LAMC1: variants seen among roughly 807,000 people sequenced by gnomAD.
LAMC1 encodes laminin subunit gamma 1.
A neutral mutation model predicts 173.6 loss-of-function variants in LAMC1; 38 were observed. The ratio of observed to expected loss-of-function variants is 0.22; its 90% confidence interval spans 0.17 to 0.29. The LOEUF (loss-of-function observed/expected upper bound fraction) is 0.29, where lower values mean the gene tolerates loss of function less well. Ranked by LOEUF, LAMC1 falls within the 10% of genes least tolerant of loss-of-function variation. The pLI, the probability that LAMC1 is intolerant of heterozygous loss-of-function variation, is 1.00. For synonymous variants in LAMC1, 746 were observed against 749.1 expected, an observed-to-expected ratio of 1.00 and a Z score of 0.07; for missense variants, 1,824 against 2,051.8, an observed-to-expected ratio of 0.89 and a Z score of 2.14.
rs947363525 is a variant in LAMC1, at chr1:183,118,205, A to T, written c.1990+59A>T. ...AAAAGATGATTGGTTAGAAAGATTC[A>T]TGATAATGCAAAAGTTTCTCTTTCC... On this transcript the variant is annotated intron_variant, in intron 11 of 27. Transcript: ENST00000258341. The T allele has an allele frequency of 3.0e-6, 3 of 990,412 alleles. No individual in the cohort carries two copies. In the East Asian group the frequency reaches 7.2e-5, roughly 24 times the overall value. The allele number at this position is 990,412 out of a possible 1,614,324, so 61.4% of individuals were successfully genotyped here. A position where few individuals can be genotyped will look rare whatever the true frequency, so the allele number is the denominator to read the frequency against.
intron 22 of LAMC1, among the ~76,000 whole-genome samples, chr1:183,134,332 T>G (rs912065628): frequency 1.3e-5 from 2 of 152,192 alleles, no homozygotes; most frequent in African/African-American, 4.8e-5. Flanking sequence ...ATCAGAACAA[T>G]GGCAGGCACA....
chr1:183,041,696 T>G (rs1482466589), intron 1 of LAMC1, among the ~76,000 whole-genome samples: 1 of 152,196 alleles, frequency 6.6e-6, no homozygotes, highest in Admixed American at 6.5e-5. Flanking sequence ...AGAGAAGACC[T>G]AGAGCTTAAG....
chr1:183,089,328 C>T (rs1655509111), intron 1 of LAMC1, among the ~76,000 whole-genome samples: 1 of 152,102 alleles, frequency 6.6e-6, no homozygotes, highest in Non-Finnish European at 1.5e-5. Flanking sequence ...TGTTTGCTCT[C>T]AATGTAAAGG....
At chr1:183,065,260 G>A (rs1654848303) in intron 1 of LAMC1, among the ~76,000 whole-genome samples, 1 of 152,166 alleles carries the variant, frequency 6.6e-6, no homozygotes, top group Non-Finnish European at 1.5e-5. Flanking sequence ...TGCAGTGCAT[G>A]ACTGTATGTA....
intron 22 of LAMC1, among the ~76,000 whole-genome samples, chr1:183,133,891 A>C (rs1404429508): frequency 1.3e-5 from 2 of 152,258 alleles, no homozygotes; most frequent in African/African-American, 4.8e-5. Flanking sequence ...AGACTACTTT[A>C]ATGATATGAA....
At chr1:183,098,046 G>A (rs1195264033) in intron 1 of LAMC1, among the ~76,000 whole-genome samples, 1 of 152,078 alleles carries the variant, frequency 6.6e-6, no homozygotes, top group African/African-American at 2.4e-5. Context: ...CATTTGGCTT[G>A]GCTACTTTAC....
intron 1 of LAMC1, among the ~76,000 whole-genome samples, chr1:183,058,235 A>G (rs1453399812): frequency 6.6e-6 from 1 of 152,154 alleles, no homozygotes; most frequent in Non-Finnish European, 1.5e-5. Context: ...AGTTGAGTGG[A>G]TGCTAGTTTT....
At chr1:183,059,850 A>G (rs1654696623) in intron 1 of LAMC1, among the ~76,000 whole-genome samples, 1 of 152,216 alleles carries the variant, frequency 6.6e-6, no homozygotes, top group Admixed American at 6.5e-5. Context: ...TACGTGCATC[A>G]GAGTAAGAAA....
chr1:183,088,688 A>G (rs759460357), intron 1 of LAMC1, among the ~76,000 whole-genome samples: 9 of 152,252 alleles, frequency 5.9e-5, no homozygotes, highest in African/African-American at 1.7e-4. Flanking sequence ...GTGAATTACA[A>G]TAAGTGCTAT....
rs1656574292 is a variant in LAMC1, at chr1:183,124,752, T to C, written c.2523T>C (p.Asn841=). The C allele has an allele frequency of 2.5e-6, 4 of 1,614,062 alleles. No individual in the cohort carries two copies. Among genetic ancestry groups the C allele is most frequent in the Non-Finnish European group, 3.4e-6 (4 of 1,180,034 alleles). Reference sequence around the variant, plus strand: ...ACATCGATCCCAATGCAGTTGGAAATTGCAATCGCTTGACGGGAGAATGCC... The same window carrying C: ...ACATCGATCCCAATGCAGTTGGAAACTGCAATCGCTTGACGGGAGAATGCC... ...SDNIDPNAVG[N]CNRLTGECLK... Residue 841 remains asparagine, a synonymous_variant, in exon 14 of 28, where the codon AAT becomes AAC. Transcript: ENST00000258341.
chr1:183,094,530 A>C (rs1655645644), intron 1 of LAMC1, among the ~76,000 whole-genome samples: 3 of 152,172 alleles, frequency 2.0e-5, no homozygotes, highest in Admixed American at 2.0e-4. Context: ...TAGAACAGGG[A>C]CTGACACATA....
chr1:183,137,809 C>A lies in LAMC1; in HGVS notation c.4455C>A (p.Asp1485Glu). The change falls in exon 26 of 28, where the codon GAC (aspartate) becomes GAA (glutamate). Residue 1485 changes from aspartate to glutamate, a missense_variant. Coordinates refer to ENST00000258341, the MANE Select transcript of LAMC1 (RefSeq NM_002293.4). ...LKRKQDDADQ[D>E]MMMAGMASQA... Reference sequence around the variant, plus strand: ...GAAAACAAGATGACGCTGACCAGGACATGATGATGGCAGGGATGGTAAGAG... The same window carrying A: ...GAAAACAAGATGACGCTGACCAGGAAATGATGATGGCAGGGATGGTAAGAG... The A allele has an allele frequency of 5.0e-6, 8 of 1,607,154 alleles. No individual in the cohort carries two copies. The highest frequency in any genetic ancestry group is 6.8e-6 in the Non-Finnish European group (8 of 1,176,686).
Position 183,098,519 on chromosome 1 carries a change from A to C in LAMC1, c.419-4809A>C, listed in dbSNP as rs946335695. ...TCCACAGAGATGTTTGTACAAAGGC[A>C]TGGCCTCCTGCTCTCCTCTCAGCCA... On this transcript the variant is annotated intron_variant, in intron 1 of 27. Transcript: ENST00000258341. Among the ~76,000 whole-genome samples, 5 of 152,228 alleles carry C rather than the reference A, an allele frequency of 3.3e-5. No homozygotes were observed. In the South Asian group the frequency reaches 6.2e-4, roughly 19 times the overall value.
Position 183,118,018 on chromosome 1 carries a change from C to A in LAMC1, c.1878-16C>A, listed in dbSNP as rs780467014. 1 of 1,509,464 alleles carries A rather than the reference C, an allele frequency of 6.6e-7. No homozygotes were observed. Among genetic ancestry groups the A allele is most frequent in the African/African-American group, 1.4e-5 (1 of 72,518 alleles). 93.5% of individuals were successfully genotyped at this position (1,509,464 alleles called of 1,614,324 possible). A position where few individuals can be genotyped will look rare whatever the true frequency, so the allele number is the denominator to read the frequency against. On this transcript the variant is annotated splice_polypyrimidine_tract_variant and intron_variant, in intron 10 of 27. Transcript: ENST00000258341. The stretch of plus-strand genomic sequence containing the variant: ...TGTCCTTACAGAGGTTAATGTGGCC[C>A]TTTCTTTCTCTCCAGGCTCCATGAA...
rs781272691 is a variant in LAMC1 at position 183,116,594 on chromosome 1, C to A, written c.1346C>A (p.Pro449His). 1.2e-6 allele frequency: 2 copies of A among 1,609,806 alleles called. No individual in the cohort carries two copies. Among genetic ancestry groups the A allele is most frequent in the Non-Finnish European group, 1.7e-6 (2 of 1,176,674 alleles). ...EAGCRPCSCD[P>H]SGSIDECNIE... ...TTGAATAGGCCATGCTCTTGTGATC[C>A]CTCTGGCAGCATAGATGAATGTAAT... The change falls in exon 7 of 28, where the codon CCC (proline) becomes CAC (histidine). Residue 449 changes from proline to histidine, a missense_variant. By Grantham distance (77) the Pro-to-His change is moderately conservative. Coordinates refer to ENST00000258341, the MANE Select transcript of LAMC1 (RefSeq NM_002293.4).
chr1:183,029,996 G>GACT (rs1653808488), intron 1 of LAMC1, among the ~76,000 whole-genome samples: 1 of 152,162 alleles, frequency 6.6e-6, no homozygotes, highest in Non-Finnish European at 1.5e-5. Flanking sequence ...GTCCAGTCCA[G>GACT]TCCTGCCTAT....
At chr1:183,094,238 C>G (rs1655637985) in intron 1 of LAMC1, among the ~76,000 whole-genome samples, 1 of 152,014 alleles carries the variant, frequency 6.6e-6, no homozygotes, top group Admixed American at 6.5e-5. Context: ...AATGCTCTTC[C>G]CATTCCTGGA....
At chr1:183,066,035 T>A (rs960698598) in intron 1 of LAMC1, among the ~76,000 whole-genome samples, 2 of 152,236 alleles carry the variant, frequency 1.3e-5, no homozygotes, top group Non-Finnish European at 2.9e-5. Flanking sequence ...TAATACATGA[T>A]AACGCATTAT....
At chr1:183,070,615 G>C (rs937798559) in intron 1 of LAMC1, among the ~76,000 whole-genome samples, 1 of 152,172 alleles carries the variant, frequency 6.6e-6, no homozygotes, top group African/African-American at 2.4e-5. Context: ...AATAAATGCT[G>C]TATCTAGTTA....
Sources: gnomAD v4.1 joint callset for allele counts (sites outside exome capture counted in the v4.1 genomes callset) on GRCh38, gnomAD v4.1.1 for gene constraint, MANE v1.5 for transcripts, NCBI Gene and HGNC (gene_info 2026-07-23, HGNC 2026-07-21) for gene names.